Variants in UIMC1 observed in about 807,000 individuals in gnomAD.
The protein encoded by UIMC1 is ubiquitin interaction motif containing 1.
A neutral mutation model predicts 84.9 loss-of-function variants in UIMC1; 42 were observed. The observed-to-expected ratio is 0.49, with a 90% CI of 0.39 to 0.64. UIMC1 has a LOEUF of 0.64. UIMC1 is among the 30% of genes least tolerant of loss of function. UIMC1 has a pLI of 0.00. For synonymous variants in UIMC1, 281 were observed against 293.0 expected (o/e 0.96, Z 0.42); for missense variants, 825 against 847.6 (o/e 0.97, Z 0.33).
intron 7 of UIMC1, 118 bp downstream of exon 7, chr5:176,957,975 T>G: frequency 1.2e-6 from 1 of 845,328 alleles, no homozygotes; most frequent in East Asian, 2.6e-5. Flanking sequence ...AGTCTTCACT[T>G]ATAAAAGAGC....
chr5:177,005,816 T>G (rs1775172749), intron 1 of UIMC1, among the ~76,000 whole-genome samples: 1 of 151,848 alleles, frequency 6.6e-6, no homozygotes, highest in South Asian at 2.1e-4. Context: ...AACACTGGAG[T>G]CCAGCTGCTG....
chr5:176,937,050 T>A (rs778040740), intron 10 of UIMC1, among the ~76,000 whole-genome samples: 1 of 152,214 alleles, frequency 6.6e-6, no homozygotes, highest in Non-Finnish European at 1.5e-5. Context: ...TAAATACGTA[T>A]TGAATGAGTA....
chr5:177,013,678 A>G (rs181815877), intron 1 of UIMC1, among the ~76,000 whole-genome samples: 2 of 152,340 alleles, frequency 1.3e-5, no homozygotes, highest in Admixed American at 1.3e-4. Flanking sequence ...ACCACAAGGA[A>G]AAAAGCAACC....
intron 10 of UIMC1, among the ~76,000 whole-genome samples, chr5:176,942,161 T>G (rs954504403): frequency 5.3e-5 from 8 of 152,122 alleles, no homozygotes; most frequent in Admixed American, 3.3e-4. Flanking sequence ...CTTAAAGAGA[T>G]AAACCAACAG....
chr5:177,012,475 T>C (rs1291800503), intron 1 of UIMC1, among the ~76,000 whole-genome samples: 1 of 151,944 alleles, frequency 6.6e-6, no homozygotes, highest in Non-Finnish European at 1.5e-5. Flanking sequence ...GGTGGATCAC[T>C]TGAGGCCAGG....
intron 12 of UIMC1, among the ~76,000 whole-genome samples, chr5:176,907,758 T>C (rs1254650055): frequency 6.6e-6 from 1 of 152,236 alleles, no homozygotes; most frequent in South Asian, 2.1e-4. Flanking sequence ...ATCTCACATA[T>C]ATTCTTGGCA....
At chr5:176,950,257 G>A (rs557353342) in intron 9 of UIMC1, among the ~76,000 whole-genome samples, 1 of 150,842 alleles carries the variant, frequency 6.6e-6, no homozygotes, top group East Asian at 2.1e-4. Context: ...GCACCACCAC[G>A]CCCAGCTAAT....
Position 176,972,358 on chromosome 5 carries a change from G to A in UIMC1, c.233-1492C>T, listed in dbSNP as rs140155888. Among the ~76,000 whole-genome samples the A allele has an allele frequency of 4.9e-3, 735 of 150,290 alleles. 23 individuals are homozygous for A. In the East Asian group the frequency reaches 0.053, roughly 11 times the overall value. ...CAGAGCTTGCAGTGAGCAGAGATGC[G>A]CCACTGCACTCCAGCCTAGGCAACA... On this transcript the variant is annotated intron_variant, in intron 3 of 14. Coordinates refer to ENST00000511320, the MANE Select transcript of UIMC1 (RefSeq NM_001199298.2).
At chr5:177,013,358 CCAAACA>C (rs1180436379) in intron 1 of UIMC1, among the ~76,000 whole-genome samples, 1 of 90,476 alleles carries the variant, frequency 1.1e-5, no homozygotes, top group African/African-American at 4.7e-5. Context: ...AAGACTGCAT[CCAAACA>C]CACACACACA....
At chr5:176,994,089 G>C (rs1773259552) in intron 1 of UIMC1, among the ~76,000 whole-genome samples, 1 of 151,268 alleles carries the variant, frequency 6.6e-6, no homozygotes, top group Non-Finnish European at 1.5e-5. Flanking sequence ...GGGTAATGCA[G>C]CATAAACATG....
At chr5:176,977,090 G>T (rs1451492376) in intron 2 of UIMC1, among the ~76,000 whole-genome samples, 2 of 152,026 alleles carry the variant, frequency 1.3e-5, no homozygotes, top group Admixed American at 1.3e-4. Context: ...AGGCGTGGTG[G>T]CATATGCCTG....
intron 1 of UIMC1, among the ~76,000 whole-genome samples, chr5:177,004,738 C>T (rs764474066): frequency 1.8e-4 from 28 of 152,204 alleles, no homozygotes; most frequent in Non-Finnish European, 4.1e-4. Flanking sequence ...TATTTCAGCA[C>T]ATCCATCGTC....
intron 10 of UIMC1, among the ~76,000 whole-genome samples, chr5:176,913,421 C>T (rs1452763236): frequency 2.0e-5 from 3 of 152,188 alleles, no homozygotes; most frequent in Non-Finnish European, 4.4e-5. Context: ...GTTTTACCTT[C>T]CTAATTAACC....
upstream of UIMC1, among the ~76,000 whole-genome samples, chr5:177,011,279 C>A (rs765119171): frequency 3.3e-5 from 5 of 152,052 alleles, no homozygotes; most frequent in African/African-American, 2.4e-5. Context: ...GTGATACATA[C>A]CAGTAGTCCC....
intron 7 of UIMC1, among the ~76,000 whole-genome samples, chr5:176,956,915 G>C (rs1195252245): frequency 2.0e-5 from 3 of 151,812 alleles, no homozygotes; most frequent in Non-Finnish European, 2.9e-5. Context: ...ACCCCAGCCA[G>C]ACAGTTTACT....
At chr5:176,908,456 A>C in intron 12 of UIMC1, 67 bp downstream of exon 12, 1 of 1,530,880 alleles carries the variant, frequency 6.5e-7, no homozygotes, top group African/African-American at 1.4e-5. Context: ...CCAGAACAGA[A>C]CTGTGGCCTC....
chr5:176,907,151 G>A lies in UIMC1; in HGVS notation c.1875C>T (p.Leu625=). Residue 625 remains leucine (L), a synonymous_variant, in exon 13 of 15, where the codon CTC becomes CTT. Coordinates refer to ENST00000511320, the MANE Select transcript of UIMC1 (RefSeq NM_001199298.2). ...GCTCAGACTGTTCCAAGAAACTAAG[G>A]AGTCGGCCTTCACTGTGGCCTTTTT... ...PKEKGHSEGR[L]LSFLEQSEHK... The A allele has an allele frequency of 6.2e-7, 1 of 1,613,894 alleles. No individual in the cohort carries two copies. Among genetic ancestry groups the A allele is most frequent in the Non-Finnish European group, 8.5e-7 (1 of 1,179,860 alleles).
At chr5:176,992,745 G>A (rs1773069318) in intron 1 of UIMC1, among the ~76,000 whole-genome samples, 1 of 152,062 alleles carries the variant, frequency 6.6e-6, no homozygotes, top group South Asian at 2.1e-4. Flanking sequence ...GGTCAAAGCT[G>A]CAATGAGATG....
intron 1 of UIMC1, among the ~76,000 whole-genome samples, chr5:176,992,389 C>A (rs1275579827): frequency 1.3e-5 from 2 of 150,934 alleles, no homozygotes; most frequent in African/African-American, 4.9e-5. Context: ...CTTTGGGGAG[C>A]CAAGGCAGAA....
Sources: gnomAD v4.1 joint callset for allele counts (sites outside exome capture counted in the v4.1 genomes callset) on GRCh38, gnomAD v4.1.1 for gene constraint, MANE v1.5 for transcripts, NCBI Gene and HGNC (gene_info 2026-07-23, HGNC 2026-07-21) for gene names.